SCAPER: variants seen among roughly 807,000 people sequenced by gnomAD.
SCAPER encodes the protein S phase cyclin A-associated protein in the endoplasmic reticulum.
In SCAPER, 98 loss-of-function variants were observed where a neutral mutation model predicts 182.2. The ratio of observed to expected loss-of-function variants is 0.54; its 90% CI spans 0.46 to 0.64. The LOEUF (loss-of-function observed/expected upper bound fraction) is 0.64. SCAPER is among the 30% of genes least tolerant of loss of function. The pLI is 0.00. For synonymous variants in SCAPER, 605 were observed against 564.6 expected (o/e 1.07, Z -1.01); for missense variants, 1,432 against 1,690.0 (o/e 0.85, Z 2.68).
chr15:76,821,517 G>C (rs146708516), intron 5 of SCAPER, among the ~76,000 whole-genome samples: 1 of 152,204 alleles, frequency 6.6e-6, no homozygotes, highest in Non-Finnish European at 1.5e-5. Flanking sequence ...AGCTACTAGA[G>C]AGGCTGAGGT....
intron 27 of SCAPER, among the ~76,000 whole-genome samples, chr15:76,389,739 A>T (rs1267416979): frequency 6.8e-6 from 1 of 146,852 alleles, no homozygotes; most frequent in Non-Finnish European, 1.5e-5. Context: ...AATGGCGTGA[A>T]CCCAGGCGGT....
intron 23 of SCAPER, among the ~76,000 whole-genome samples, chr15:76,541,497 T>C (rs17365438): frequency 0.082 from 12,449 of 152,292 alleles, 736 homozygotes; most frequent in Non-Finnish European, 0.12. Context: ...TCTCTTACTC[T>C]GTCGGTGATG....
chr15:76,868,751 C>A (rs1466207304), intron 2 of SCAPER, among the ~76,000 whole-genome samples: 1 of 152,060 alleles, frequency 6.6e-6, no homozygotes, highest in Non-Finnish European at 1.5e-5. Flanking sequence ...TTTCAAAATA[C>A]CAATGACATT....
At chr15:76,432,713 C>G (rs2046949200) in intron 26 of SCAPER, among the ~76,000 whole-genome samples, 1 of 152,160 alleles carries the variant, frequency 6.6e-6, no homozygotes, top group African/African-American at 2.4e-5. Context: ...AGAAGGTGAC[C>G]TTAGAAGGAA....
At chr15:76,778,004 T>G (rs1331349967) in intron 8 of SCAPER, among the ~76,000 whole-genome samples, 1 of 152,184 alleles carries the variant, frequency 6.6e-6, no homozygotes, top group Non-Finnish European at 1.5e-5. Flanking sequence ...CTCATGTAAT[T>G]TAATGAATAC....
chr15:76,838,273 C>T (rs2151755026), intron 5 of SCAPER, among the ~76,000 whole-genome samples: 1 of 152,216 alleles, frequency 6.6e-6, no homozygotes, highest in South Asian at 2.1e-4. Flanking sequence ...AGCTGGAGGC[C>T]ATTATCCTAA....
chr15:76,593,903 C>CAG lies in SCAPER; in HGVS notation c.2712-19621_2712-19620dup, dbSNP rs2049310360. The stretch of plus-strand genomic sequence containing the variant: ...CAAAAAGGCTGAAAATTCCAAACAC[C>CAG]AGAAGGCCTCTTCTCCTCCAAAGGA... On this transcript the variant is annotated intron_variant, in intron 22 of 31. Transcript: ENST00000563290. 1.7e-5 allele frequency among the ~76,000 whole-genome samples: 2 copies of CAG among 120,222 alleles called. 1 individual carries two copies. The highest frequency in any genetic ancestry group is 4.0e-5 in the Non-Finnish European group (2 of 49,494). The allele number at this position is 120,222 out of a possible 152,430, so 78.9% of individuals were successfully genotyped here.
rs112700561 is a variant in SCAPER, at chr15:76,750,478, G to A, written c.1866+3330C>T. Among the ~76,000 whole-genome samples the A allele has an allele frequency of 2.0e-3, 307 of 151,658 alleles. 2 individuals are homozygous for A. The highest frequency in any genetic ancestry group is 3.9e-3 in the Admixed American group (59 of 15,244). ...TACCAAAACCAGACAGAAACTACAAGGAAAAAACTATAGACCAATATCCTT... is the reference window on the plus strand; with the variant it reads ...TACCAAAACCAGACAGAAACTACAAAGAAAAAACTATAGACCAATATCCTT... On this transcript the variant is annotated intron_variant, in intron 15 of 31. Coordinates refer to ENST00000563290, the MANE Select transcript of SCAPER (RefSeq NM_020843.4).
At chr15:76,760,091 C>A (rs2062684413) in intron 14 of SCAPER, among the ~76,000 whole-genome samples, 1 of 152,138 alleles carries the variant, frequency 6.6e-6, no homozygotes, top group Admixed American at 6.5e-5. Context: ...CTCACACTGA[C>A]CACTTCTCTG....
chr15:76,421,100 T>C (rs1046185343), intron 26 of SCAPER, among the ~76,000 whole-genome samples: 6 of 152,352 alleles, frequency 3.9e-5, no homozygotes, highest in East Asian at 1.9e-4. Flanking sequence ...TGTGTCTTTA[T>C]AGCAGCATGA....
At chr15:76,609,105 T>C (rs2050744553) in intron 22 of SCAPER, among the ~76,000 whole-genome samples, 1 of 152,194 alleles carries the variant, frequency 6.6e-6, no homozygotes, top group Non-Finnish European at 1.5e-5. Context: ...TCATCCGTCT[T>C]CTGCGTCGCT....
intron 25 of SCAPER, 81 bp from the exon 26 acceptor site, chr15:76,434,391 A>C: frequency 1.0e-6 from 1 of 978,624 alleles, no homozygotes; most frequent in Non-Finnish European, 1.5e-6. Flanking sequence ...CATTTCTGGA[A>C]TCATAAGTAA....
At chr15:76,510,545 A>G (rs991408569) in intron 23 of SCAPER, among the ~76,000 whole-genome samples, 16 of 152,268 alleles carry the variant, frequency 1.1e-4, no homozygotes, top group African/African-American at 3.9e-4. Context: ...CCACAATGTG[A>G]TACCACCTTA....
intron 25 of SCAPER, among the ~76,000 whole-genome samples, chr15:76,435,926 G>A (rs1461909561): frequency 1.3e-5 from 2 of 151,938 alleles, no homozygotes; most frequent in African/African-American, 4.8e-5. Context: ...CCTGTACCTT[G>A]GTATAGATTT....
chr15:76,661,237 T>C lies in SCAPER; in HGVS notation c.2645+4416A>G, dbSNP rs543461336. On this transcript the variant is annotated intron_variant, in intron 21 of 31. Transcript: ENST00000563290. ...AAACCATAAAAACCCTAGAAGAAAA[T>C]AGAGGCAGTACCTTTCAGGATACAG... Among the ~76,000 whole-genome samples the C allele has an allele frequency of 4.0e-5, 6 of 151,790 alleles. No individual in the cohort carries two copies. In the East Asian group the frequency reaches 5.8e-4, roughly 15 times the overall value.
chr15:76,702,924 G>T lies in SCAPER; in HGVS notation c.2326C>A (p.His776Asn). The T allele has an allele frequency of 6.2e-7, 1 of 1,611,106 alleles. No individual in the cohort carries two copies. The highest frequency in any genetic ancestry group is 8.5e-7 in the Non-Finnish European group (1 of 1,178,984). Residue 776 changes from histidine (H) to asparagine (N), a missense_variant, in exon 19 of 32, where the codon CAT (histidine) becomes AAT (asparagine). Physicochemically the swap from His to Asn is moderately conservative, Grantham distance 68. Transcript: ENST00000563290. Reference protein sequence around the residue: ...EKAAELSSGRHANTDYAPKLT... With the variant: ...EKAAELSSGRNANTDYAPKLT... The stretch of plus-strand genomic sequence containing the variant: ...TTGGGGGCATAATCAGTATTTGCAT[G>T]TCGCCCACTGCTTAGCTCAGCAGCT...
In SCAPER at chr15:76,775,060, C is replaced by A. The variant is rs1269787028; in HGVS notation, c.830G>T (p.Arg277Leu). The change falls in exon 9 of 32, where the codon CGA (arginine) becomes CTA (leucine). Residue 277 changes from arginine (R) to leucine (L), a missense_variant. Coordinates refer to ENST00000563290, the MANE Select transcript of SCAPER (RefSeq NM_020843.4). The stretch of plus-strand genomic sequence containing the variant: ...AACTTTTGGCATCACTGCTGTTGAT[C>A]GAGAACGAATAGGCCTTCCTCTCTG... ...TVQRGRPIRS[R>L]STAVMPKVSL... 1 of 1,613,558 alleles carries A rather than the reference C, an allele frequency of 6.2e-7. No individual in the cohort carries two copies. The highest frequency in any genetic ancestry group is 1.3e-5 in the African/African-American group (1 of 74,900).
intron 17 of SCAPER, among the ~76,000 whole-genome samples, chr15:76,727,607 T>C (rs1176052936): frequency 8.6e-5 from 13 of 152,026 alleles, no homozygotes; most frequent in Admixed American, 7.9e-4. Context: ...ATAAAGACTA[T>C]AAAAGATAAA....
At chr15:76,555,126 T>C (rs2046098576) in intron 23 of SCAPER, among the ~76,000 whole-genome samples, 2 of 152,138 alleles carry the variant, frequency 1.3e-5, no homozygotes, top group Non-Finnish European at 2.9e-5. Flanking sequence ...GAATTTCATA[T>C]CCAGCCAAAC....
Sources: allele counts gnomAD v4.1 joint callset (sites outside exome capture counted in the v4.1 genomes callset), GRCh38; gene constraint gnomAD v4.1.1; transcripts MANE v1.5; gene names NCBI Gene and HGNC (gene_info 2026-07-23, HGNC 2026-07-21).